Variants in LANCL3 observed in about 807,000 individuals in gnomAD.
LANCL3 encodes the protein LanC like family member 3, also known as lanC-like protein 3.
Under a neutral mutation model 26.5 loss-of-function variants are expected in LANCL3, and 19 were observed. The ratio of observed to expected loss-of-function variants is 0.72; its 90% CI spans 0.50 to 1.05. The LOEUF is 1.05. Ranked by LOEUF, LANCL3 falls within the 50% of genes least tolerant of loss-of-function variation. The probability of loss-of-function intolerance (pLI) is 0.00; values close to 1 mark genes in which losing one functional copy is unlikely to be tolerated. For missense variants in LANCL3, 318 were observed against 362.7 expected (o/e 0.88, Z 1.00); for synonymous variants, 160 against 166.6 (o/e 0.96, Z 0.30).
chrX:37,584,322 G>A (rs1373373342), intron 1 of LANCL3, among the ~76,000 whole-genome samples: 2 of 107,366 alleles, frequency 1.9e-5, no homozygotes, highest in Non-Finnish European at 3.8e-5. Flanking sequence ...TCAGGATGAT[G>A]CTCGCCTCAT....
chrX:37,614,179 A>G (rs1427435649), intron 1 of LANCL3, among the ~76,000 whole-genome samples: 2 of 111,029 alleles, frequency 1.8e-5, no homozygotes, highest in African/African-American at 6.6e-5. Flanking sequence ...TCCCTCCACT[A>G]ACTGGGGGCA....
intron 1 of LANCL3, among the ~76,000 whole-genome samples, chrX:37,602,931 T>G (rs1556420171): frequency 1.8e-5 from 2 of 109,663 alleles, no homozygotes; most frequent in Non-Finnish European, 1.9e-5. Context: ...ATCTGTAGTC[T>G]AGTCACCGGA....
In LANCL3 at chrX:37,601,958, C is replaced by G. The variant is rs146177419; in HGVS notation, c.573+29515C>G. On this transcript the variant is annotated intron_variant, in intron 1 of 4. Coordinates refer to ENST00000378619, the MANE Select transcript of LANCL3 (RefSeq NM_001170331.2). ...AGATTGCTACTGGGTAGGCAACAAA[C>G]TGGTGCCATGCCAAAAGTAGCTAGA... Among the ~76,000 whole-genome samples, 369 of 111,742 alleles carry G rather than the reference C, an allele frequency of 3.3e-3. 2 individuals are homozygous for G. Among genetic ancestry groups the G allele is most frequent in the Middle Eastern group, 9.1e-3 (2 of 219 alleles).
chrX:37,571,861 G>C lies in LANCL3; in HGVS notation c.-10G>C, dbSNP rs782428083. 2.1e-5 allele frequency: 25 copies of C among 1,192,858 alleles called. No homozygotes were observed. The African/African-American group carries it at 3.1e-4, about 15-fold the overall frequency. ...TCCTCAGCTCCGCACTAGGGGGCAC[G>C]GGCAACAGCATGGACACCAAGCGCT... On this transcript the variant is annotated 5_prime_UTR_variant, in exon 1 of 5. Coordinates refer to ENST00000378619, the MANE Select transcript of LANCL3 (RefSeq NM_001170331.2).
At chrX:37,660,236 A>G (rs1466023100) in intron 3 of LANCL3, among the ~76,000 whole-genome samples, 2 of 111,670 alleles carry the variant, frequency 1.8e-5, no homozygotes, top group Non-Finnish European at 3.8e-5. Flanking sequence ...AGCAACTGAG[A>G]GCTTGATAAA....
intron 4 of LANCL3, chrX:37,668,442 C>A: frequency 2.6e-6 from 1 of 391,209 alleles, no homozygotes; most frequent in Non-Finnish European, 4.6e-6. Flanking sequence ...TAGATATTAC[C>A]TCTGACTGGT....
At position 37,679,741 on chromosome X, in the gene LANCL3, C is replaced by T. The variant is rs781907632; in HGVS notation, c.*3928C>T. On this transcript the variant is annotated 3_prime_UTR_variant, in exon 5 of 5. Transcript: ENST00000378619. Reference sequence around the variant, plus strand: ...GACTGAGCCTCAAATTTGCCGAGCCCGTGTAATATTGGTATAAATTTGGCA... The same window carrying T: ...GACTGAGCCTCAAATTTGCCGAGCCTGTGTAATATTGGTATAAATTTGGCA... 3.6e-5 allele frequency: 4 copies of T among 110,785 alleles called. No individual in the cohort carries two copies. The highest frequency in any genetic ancestry group is 9.6e-5 in the Admixed American group (1 of 10,391). 9.1% of individuals were successfully genotyped at this position (110,785 alleles called of 1,213,427 possible).
At chrX:37,654,405 G>A (rs1424968419) in intron 1 of LANCL3, among the ~76,000 whole-genome samples, 3 of 112,145 alleles carry the variant, frequency 2.7e-5, no homozygotes, top group Non-Finnish European at 3.8e-5. Flanking sequence ...AAAATCCAAC[G>A]GACTTTTTAT....
intron 1 of LANCL3, among the ~76,000 whole-genome samples, chrX:37,584,299 C>T (rs1923995626): frequency 9.4e-6 from 1 of 106,776 alleles, no homozygotes; most frequent in Non-Finnish European, 1.9e-5. Flanking sequence ...TTTGTTTTTG[C>T]CAGGCTTTGG....
chrX:37,666,652 T>TA (rs1443733850), intron 3 of LANCL3, among the ~76,000 whole-genome samples: 1 of 111,986 alleles, frequency 8.9e-6, no homozygotes, highest in African/African-American at 3.2e-5. Context: ...TTGTAACTGA[T>TA]ACTACTTTTG....
intron 1 of LANCL3, among the ~76,000 whole-genome samples, chrX:37,612,234 G>A (rs1787872667): frequency 8.9e-6 from 1 of 112,067 alleles, no homozygotes; most frequent in Non-Finnish European, 1.9e-5. Context: ...AAGCTACAAT[G>A]CCTGGCCTAT....
At chrX:37,643,368 A>G (rs974749648) in intron 1 of LANCL3, among the ~76,000 whole-genome samples, 43 of 112,287 alleles carry the variant, frequency 3.8e-4, no homozygotes, top group African/African-American at 1.4e-3. Flanking sequence ...GCCCAAATCT[A>G]TATACAGTAT....
chrX:37,608,070 C>CG (rs1334115024), intron 1 of LANCL3, among the ~76,000 whole-genome samples: 1 of 111,962 alleles, frequency 8.9e-6, no homozygotes, highest in Non-Finnish European at 1.9e-5. Flanking sequence ...GCTAGTGCTT[C>CG]GGGGGGCAGT....
intron 1 of LANCL3, among the ~76,000 whole-genome samples, chrX:37,637,240 A>G (rs925712112): frequency 8.9e-6 from 1 of 112,123 alleles, no homozygotes; most frequent in Non-Finnish European, 1.9e-5. Context: ...ATAAATTTTC[A>G]GACAATATGG....
intron 1 of LANCL3, among the ~76,000 whole-genome samples, chrX:37,635,232 G>C (rs1189479295): frequency 6.3e-5 from 7 of 111,839 alleles, no homozygotes; most frequent in African/African-American, 1.9e-4. Context: ...AAAGTAACTT[G>C]CCCAAAGATA....
chrX:37,587,590 C>T (rs1195275603), intron 1 of LANCL3, among the ~76,000 whole-genome samples: 1 of 113,052 alleles, frequency 8.8e-6, no homozygotes, highest in Admixed American at 9.3e-5. Context: ...TGGGGCCCTC[C>T]AAGCCAGGCA....
chrX:37,651,630 C>A (rs1569469012), intron 1 of LANCL3, among the ~76,000 whole-genome samples: 3 of 108,777 alleles, frequency 2.8e-5, no homozygotes, highest in Non-Finnish European at 5.7e-5. Context: ...ACTTTAAGTT[C>A]TAGGGTACAT....
chrX:37,572,525 T>C lies in LANCL3; in HGVS notation c.573+82T>C, dbSNP rs1482127428. ...CCGGACTCCGTGGCTCGGGCAGCAC[T>C]GTCCCGAGTTGCTCTCCAAGTCTTT... On this transcript the variant is annotated intron_variant, in intron 1 of 4. Coordinates refer to ENST00000378619, the MANE Select transcript of LANCL3 (RefSeq NM_001170331.2). 3.7e-6 allele frequency: 3 copies of C among 813,126 alleles called. No homozygotes were observed. The East Asian group carries it at 1.0e-4, about 28-fold the overall frequency. 67.0% of individuals were successfully genotyped at this position (813,126 alleles called of 1,213,427 possible). A position where few individuals can be genotyped will look rare whatever the true frequency, so the allele number is the denominator to read the frequency against.
intron 1 of LANCL3, among the ~76,000 whole-genome samples, chrX:37,585,625 CT>C (rs1239983681): frequency 9.0e-6 from 1 of 111,353 alleles, no homozygotes; most frequent in Non-Finnish European, 1.9e-5. Context: ...CAACCCCTGC[CT>C]TTTTTTGTTT....
Sources: gnomAD v4.1 joint callset for allele counts (sites outside exome capture counted in the v4.1 genomes callset) on GRCh38, gnomAD v4.1.1 for gene constraint, MANE v1.5 for transcripts, NCBI Gene and HGNC (gene_info 2026-07-23, HGNC 2026-07-21) for gene names.